AP5Z1: variants seen among roughly 807,000 people sequenced by gnomAD.
AP5Z1 encodes adaptor related protein complex 5 subunit zeta 1.
AP5Z1 carries 106 observed loss-of-function variants against 83.0 expected under a neutral mutation model. The observed-to-expected ratio is 1.28, with a 90% CI of 1.09 to 1.50. The LOEUF is 1.50. Among genes scored for constraint, AP5Z1 ranks in the 40% most tolerant of loss-of-function variants. AP5Z1 has a pLI of 0.00. For missense variants in AP5Z1, 1,565 were observed against 1,094.2 expected (o/e 1.43, Z -6.07); for synonymous variants, 751 against 514.1 (o/e 1.46, Z -6.23).
chr7:4,776,169 T>C (rs556703392), intron 1 of AP5Z1, among the ~76,000 whole-genome samples: 2 of 152,032 alleles, frequency 1.3e-5, no homozygotes, highest in Admixed American at 6.5e-5. Context: ...GCTGGGGAGC[T>C]GGAGGCCATC....
chr7:4,776,524 G>A (rs1040927727), intron 1 of AP5Z1, among the ~76,000 whole-genome samples: 5 of 147,040 alleles, frequency 3.4e-5, no homozygotes, highest in African/African-American at 7.6e-5. Flanking sequence ...CGAGACCAGC[G>A]TGCCCAACAT....
intron 3 of AP5Z1, among the ~76,000 whole-genome samples, chr7:4,782,974 T>C (rs1454988741): frequency 2.0e-5 from 3 of 151,958 alleles, no homozygotes; most frequent in African/African-American, 7.3e-5. Context: ...AGGTGGGTGG[T>C]TTAAAGACTG....
chr7:4,778,184 C>A (rs1466716643), intron 1 of AP5Z1, among the ~76,000 whole-genome samples: 1 of 152,182 alleles, frequency 6.6e-6, no homozygotes, highest in South Asian at 2.1e-4. Flanking sequence ...ATGATGGTGC[C>A]ACTGCACTCC....
At position 4,781,713 on chromosome 7, in the gene AP5Z1, A is replaced by T; in HGVS notation, c.325A>T (p.Ser109Cys). The T allele has an allele frequency of 6.3e-7, 1 of 1,583,204 alleles. No homozygotes were observed. The highest frequency in any genetic ancestry group is 8.7e-7 in the Non-Finnish European group (1 of 1,155,790). Residue 109 changes from serine (S) to cysteine (C), a missense_variant, in exon 3 of 17, where the codon AGC becomes TGC. By Grantham distance (112) the Ser-to-Cys change is moderately radical. Transcript: ENST00000649063. ...LSLAWDHTQN[S>C]RQLSLVASVL... is the part of the protein sequence containing the mutation. ...CCTGGCCTGGGACCACACGCAGAAC[A>T]GCCGGCAGCTGAGCCTGGTGGCCTC...
In AP5Z1 at chr7:4,792,479, G is replaced by A. The variant is rs140844502; in HGVS notation, c.*1094G>A. The A allele has an allele frequency of 1.2e-3, 177 of 152,472 alleles. No individual in the cohort carries two copies. The highest frequency in any genetic ancestry group is 3.9e-3 in the African/African-American group (163 of 41,570). 9.4% of individuals were successfully genotyped at this position (152,472 alleles called of 1,614,324 possible). On this transcript the variant is annotated 3_prime_UTR_variant, in exon 17 of 17. Transcript: ENST00000649063. ...TGCCCAGCCTCAGGACTATGGAGGG[G>A]GCGAGTGACGCGCAAGGAACGGAGC...
chr7:4,789,585 A>C lies in AP5Z1; in HGVS notation c.1708-247A>C, dbSNP rs568751379. ...CGTGTGCCTGGCCTTGCAGAGCGGGAGTTGGCAGAGGAGCCGTGGAACAGA... is the reference window on the plus strand; with the variant it reads ...CGTGTGCCTGGCCTTGCAGAGCGGGCGTTGGCAGAGGAGCCGTGGAACAGA... On this transcript the variant is annotated intron_variant, in intron 13 of 16. Transcript: ENST00000649063. Among the ~76,000 whole-genome samples, 520 of 152,272 alleles carry C rather than the reference A, an allele frequency of 3.4e-3. 3 individuals are homozygous for C. The highest frequency in any genetic ancestry group is 0.011 in the African/African-American group (477 of 41,560).
Position 4,785,624 on chromosome 7 carries a change from C to A in AP5Z1, c.1072C>A (p.Arg358Ser). ...SCLKALHGRV[R>S]GDPASVRVLL... Reference sequence around the variant, plus strand: ...CCTGAAGGCCCTGCACGGGCGGGTGCGCGGGGACCCGGCCTCTGTGCGGGT... The same window carrying A: ...CCTGAAGGCCCTGCACGGGCGGGTGAGCGGGGACCCGGCCTCTGTGCGGGT... The change falls in exon 9 of 17, where the codon CGC becomes AGC. Residue 358 changes from arginine (R) to serine (S), a missense_variant. Physicochemically the swap from Arg to Ser is moderately radical, Grantham distance 110. Coordinates refer to ENST00000649063, the MANE Select transcript of AP5Z1 (RefSeq NM_014855.3). The A allele has an allele frequency of 6.4e-7, 1 of 1,574,282 alleles. No individual in the cohort carries two copies. The highest frequency in any genetic ancestry group is 8.6e-7 in the Non-Finnish European group (1 of 1,163,596).
chr7:4,775,864 G>C, intron 1 of AP5Z1, 108 bp downstream of exon 1: 1 of 1,447,968 alleles, frequency 6.9e-7, no homozygotes, highest in South Asian at 1.2e-5. Context: ...GCAGGAACCC[G>C]ACTGGACTCG....
At chr7:4,788,502 G>A in intron 12 of AP5Z1, 2 of 626,624 alleles carry the variant, frequency 3.2e-6, no homozygotes, top group South Asian at 5.5e-5. Flanking sequence ...TCTCTCTGCT[G>A]CCCACATCAA....
chr7:4,776,960 T>G (rs1247613342), intron 1 of AP5Z1, among the ~76,000 whole-genome samples: 3 of 152,012 alleles, frequency 2.0e-5, no homozygotes, highest in African/African-American at 7.2e-5. Flanking sequence ...CTAGACCAAT[T>G]GGTGGGAAAG....
intron 1 of AP5Z1, among the ~76,000 whole-genome samples, chr7:4,776,560 TACAA>T (rs1254207558): frequency 1.8e-4 from 8 of 43,546 alleles, no homozygotes; most frequent in African/African-American, 9.4e-4. Context: ...CTACTGAAAA[TACAA>T]AAAAAAAAAA....
chr7:4,778,828 TATC>T (rs1224878322), intron 1 of AP5Z1, among the ~76,000 whole-genome samples: 1 of 145,712 alleles, frequency 6.9e-6, no homozygotes, highest in Non-Finnish European at 1.5e-5. Flanking sequence ...TTATATTATA[TATC>T]ATTATATATA....
chr7:4,781,680 A>G lies in AP5Z1; in HGVS notation c.292A>G (p.Ser98Gly), dbSNP rs535605838. Residue 98 changes from serine (S) to glycine (G), a missense_variant, in exon 3 of 17, where the codon AGC becomes GGC. Physicochemically the swap from Ser to Gly is moderately conservative, Grantham distance 56. Coordinates refer to ENST00000649063, the MANE Select transcript of AP5Z1 (RefSeq NM_014855.3). ...AILREMSPSDSLSLAWDHTQN... is the reference protein window; with the variant it reads ...AILREMSPSDGLSLAWDHTQN... ...CCTGCGAGAGATGTCCCCCTCTGAC[A>G]GCCTCAGCCTGGCCTGGGACCACAC... 51 of 1,597,494 alleles carry G rather than the reference A, an allele frequency of 3.2e-5. No homozygotes were observed. In the South Asian group the frequency reaches 5.3e-4, roughly 17 times the overall value.
Position 4,786,299 on chromosome 7 carries a change from C to A in AP5Z1, c.1182C>A (p.Thr394=). The change falls in exon 10 of 17, where the codon ACC becomes ACA. Residue 394 remains threonine (T), a synonymous_variant. Transcript: ENST00000649063. The part of the protein sequence containing the change: ...DSEAVYQHLF[T]RIPVEQFHSP... The stretch of plus-strand genomic sequence containing the variant: ...AAGCCGTCTACCAGCACCTGTTCAC[C>A]AGGATCCCGGTGGAGCAGTTCCACA... 3 of 1,613,590 alleles carry A rather than the reference C, an allele frequency of 1.9e-6. No homozygotes were observed. The highest frequency in any genetic ancestry group is 2.5e-6 in the Non-Finnish European group (3 of 1,179,730).
intron 2 of AP5Z1, 102 bp from the exon 3 acceptor site, chr7:4,781,466 G>C: frequency 6.5e-7 from 1 of 1,535,978 alleles, no homozygotes; most frequent in Admixed American, 1.9e-5. Context: ...AAAATGCTCT[G>C]TCCACTGGCC....
chr7:4,779,480 A>G (rs1008625003), intron 1 of AP5Z1, among the ~76,000 whole-genome samples: 1 of 143,764 alleles, frequency 7.0e-6, no homozygotes, highest in Non-Finnish European at 1.5e-5. Flanking sequence ...TTATATATAT[A>G]TATTTTTTTT....
chr7:4,790,420 G>A (rs1336187320), intron 14 of AP5Z1, 39 bp from the exon 15 acceptor site: 4 of 1,612,484 alleles, frequency 2.5e-6, no homozygotes, highest in Non-Finnish European at 2.5e-6. Context: ...GGGGTCATAG[G>A]TCTGCACAGA....
intron 9 of AP5Z1, 93 bp from the exon 10 acceptor site, chr7:4,786,157 G>C: frequency 7.5e-7 from 1 of 1,338,854 alleles, no homozygotes; most frequent in East Asian, 2.5e-5. Flanking sequence ...GTGTCCTGGA[G>C]AGCAGGCCTG....
chr7:4,784,703 G>A (rs1781484316), intron 6 of AP5Z1, among the ~76,000 whole-genome samples: 1 of 152,232 alleles, frequency 6.6e-6, no homozygotes, highest in Non-Finnish European at 1.5e-5. Context: ...CTGTGGACTT[G>A]TTGGGGAAGA....
Sources: allele counts gnomAD v4.1 joint callset (sites outside exome capture counted in the v4.1 genomes callset), GRCh38; gene constraint gnomAD v4.1.1; transcripts MANE v1.5; gene names NCBI Gene and HGNC (gene_info 2026-07-23, HGNC 2026-07-21).